TMPRSS11E: variants seen among roughly 807,000 people sequenced by gnomAD.
TMPRSS11E encodes the protein transmembrane serine protease 11E.
Under a neutral mutation model 48.1 loss-of-function variants are expected in TMPRSS11E, and 38 were observed. That is an observed-to-expected ratio of 0.79 (90% confidence interval 0.61 to 1.04). The LOEUF is 1.04. Ranked by LOEUF, TMPRSS11E falls within the 50% of genes least tolerant of loss-of-function variation. The probability of loss-of-function intolerance (pLI) is 0.00; values close to 1 mark genes in which losing one functional copy is unlikely to be tolerated. For synonymous variants in TMPRSS11E, 158 were observed against 171.9 expected, an observed-to-expected ratio of 0.92 and a Z score of 0.63; for missense variants, 530 against 510.8, an observed-to-expected ratio of 1.04 and a Z score of -0.36.
rs751344235 is a variant in TMPRSS11E at position 68,496,818 on chromosome 4, C to G, written c.*14C>G. 1 of 1,598,120 alleles carries G rather than the reference C, an allele frequency of 6.3e-7. No individual in the cohort carries two copies. Among genetic ancestry groups the G allele is most frequent in the Non-Finnish European group, 8.5e-7 (1 of 1,174,264 alleles). On this transcript the variant is annotated 3_prime_UTR_variant, in exon 10 of 10. Transcript: ENST00000305363. The stretch of plus-strand genomic sequence containing the variant: ...ACTGGTATCTAAGAGAGAAAAGCCT[C>G]ATGGAACAGATAACATTTTTTTTTG...
At chr4:68,465,255 T>TG (rs565038700) in intron 2 of TMPRSS11E, among the ~76,000 whole-genome samples, 14 of 152,300 alleles carry the variant, frequency 9.2e-5, no homozygotes, top group Non-Finnish European at 5.9e-5. Flanking sequence ...CAGTGTCTCC[T>TG]GCCTGCCATT....
intron 8 of TMPRSS11E, among the ~76,000 whole-genome samples, chr4:68,478,597 G>A (rs534675023): frequency 6.6e-6 from 1 of 150,906 alleles, no homozygotes; most frequent in Non-Finnish European, 1.5e-5. Flanking sequence ...TGGGATTACA[G>A]GTGCATGCCA....
intron 6 of TMPRSS11E, among the ~76,000 whole-genome samples, chr4:68,475,825 A>G (rs1729196923): frequency 6.6e-6 from 1 of 152,188 alleles, no homozygotes; most frequent in Admixed American, 6.5e-5. Flanking sequence ...AGCCCCCTAC[A>G]ACAAAGAATT....
intron 2 of TMPRSS11E, among the ~76,000 whole-genome samples, chr4:68,462,983 G>A (rs903045253): frequency 3.9e-5 from 6 of 152,100 alleles, no homozygotes; most frequent in Non-Finnish European, 8.8e-5. Flanking sequence ...ACCATGACCT[G>A]TTAGTTTAAT....
chr4:68,493,536 G>A (rs558035942), intron 9 of TMPRSS11E, among the ~76,000 whole-genome samples: 7 of 151,838 alleles, frequency 4.6e-5, no homozygotes, highest in South Asian at 2.1e-4. Context: ...GTGTGATCTC[G>A]GCTCACTGCA....
chr4:68,450,934 A>G (rs1578129556), intron 1 of TMPRSS11E, among the ~76,000 whole-genome samples: 1 of 152,078 alleles, frequency 6.6e-6, no homozygotes, highest in East Asian at 1.9e-4. Flanking sequence ...TGTCTGCTAA[A>G]TGAATCTTTG....
At chr4:68,486,975 A>C (rs1261202494) in intron 9 of TMPRSS11E, among the ~76,000 whole-genome samples, 5 of 152,108 alleles carry the variant, frequency 3.3e-5, no homozygotes, top group Admixed American at 6.5e-5. Context: ...TTTGCTTGGT[A>C]GATCTTTCCT....
intron 5 of TMPRSS11E, among the ~76,000 whole-genome samples, chr4:68,474,521 C>T (rs1322466247): frequency 1.3e-5 from 2 of 152,072 alleles, no homozygotes; most frequent in Admixed American, 1.3e-4. Flanking sequence ...GTGACTCTTA[C>T]CCACATTAAA....
At position 68,496,861 on chromosome 4, in the gene TMPRSS11E, C is replaced by A. The variant is rs1316711780; in HGVS notation, c.*57C>A. 5 of 1,508,778 alleles carry A rather than the reference C, an allele frequency of 3.3e-6. No homozygotes were observed. The highest frequency in any genetic ancestry group is 1.4e-5 in the African/African-American group (1 of 71,088). The allele number at this position is 1,508,778 out of a possible 1,614,324, so 93.5% of individuals were successfully genotyped here. ...TTTTTTTGTTTTTTGGGTGTGGAGG[C>A]CATTTTTAGAGATACAGAATTGGAG... On this transcript the variant is annotated 3_prime_UTR_variant, in exon 10 of 10. Transcript: ENST00000305363.
At chr4:68,484,260 A>G (rs1729491397) in intron 9 of TMPRSS11E, among the ~76,000 whole-genome samples, 1 of 152,140 alleles carries the variant, frequency 6.6e-6, no homozygotes, top group Non-Finnish European at 1.5e-5. Flanking sequence ...GATTCTTTCT[A>G]TTCATGAACA....
chr4:68,493,780 G>T (rs1363046733), intron 9 of TMPRSS11E, among the ~76,000 whole-genome samples: 1 of 152,008 alleles, frequency 6.6e-6, no homozygotes, highest in African/African-American at 2.4e-5. Context: ...AAGCCATCTT[G>T]CCCAGCCTCC....
intron 1 of TMPRSS11E, 22 bp from the exon 2 acceptor site, chr4:68,461,799 A>G (rs549678807): frequency 6.2e-7 from 1 of 1,613,760 alleles, no homozygotes; most frequent in Non-Finnish European, 8.5e-7. Context: ...GAAATAATCT[A>G]TCTATTTATT....
intron 1 of TMPRSS11E, among the ~76,000 whole-genome samples, chr4:68,450,042 T>A (rs1728451474): frequency 6.6e-6 from 1 of 151,892 alleles, no homozygotes; most frequent in Non-Finnish European, 1.5e-5. Context: ...AGGAAAAACC[T>A]TGGTATAAAA....
intron 9 of TMPRSS11E, among the ~76,000 whole-genome samples, chr4:68,492,553 G>A (rs1348541985): frequency 6.6e-6 from 1 of 152,170 alleles, no homozygotes; most frequent in East Asian, 1.9e-4. Context: ...GTGCAAGAAG[G>A]TTGTGATGTG....
intron 9 of TMPRSS11E, among the ~76,000 whole-genome samples, chr4:68,487,760 G>A (rs374903195): frequency 1.3e-5 from 2 of 151,718 alleles, no homozygotes; most frequent in East Asian, 3.9e-4. Flanking sequence ...GGCCAACATG[G>A]TGAAACCCCA....
intron 9 of TMPRSS11E, among the ~76,000 whole-genome samples, chr4:68,492,835 T>A (rs1054888815): frequency 6.6e-6 from 1 of 152,144 alleles, no homozygotes; most frequent in Non-Finnish European, 1.5e-5. Context: ...ACGACTACCA[T>A]GAATAATGAG....
intron 1 of TMPRSS11E, among the ~76,000 whole-genome samples, chr4:68,451,736 T>G (rs1416816115): frequency 3.3e-5 from 5 of 151,920 alleles, no homozygotes; most frequent in Non-Finnish European, 7.4e-5. Context: ...ATTTAAACTT[T>G]ATATCAACCT....
chr4:68,490,250 G>T (rs181108513), intron 9 of TMPRSS11E, among the ~76,000 whole-genome samples: 1 of 152,224 alleles, frequency 6.6e-6, no homozygotes, highest in Non-Finnish European at 1.5e-5. Flanking sequence ...TTCAGAGTGT[G>T]CCAGTCTTCT....
chr4:68,449,877 A>G (rs1728446124), intron 1 of TMPRSS11E, among the ~76,000 whole-genome samples: 1 of 151,876 alleles, frequency 6.6e-6, no homozygotes, highest in Non-Finnish European at 1.5e-5. Context: ...AAGGGAGAAG[A>G]GTACTCATTT....
Sources: allele counts gnomAD v4.1 joint callset (sites outside exome capture counted in the v4.1 genomes callset), GRCh38; gene constraint gnomAD v4.1.1; transcripts MANE v1.5; gene names NCBI Gene and HGNC (gene_info 2026-07-23, HGNC 2026-07-21).